Variants in TRMT11 observed in about 807,000 individuals in gnomAD.
TRMT11 encodes the protein tRNA (guanine(10)-N(2))-methyltransferase TRMT11.
In TRMT11, 53 loss-of-function variants were observed where a neutral mutation model predicts 62.8. The observed-to-expected ratio is 0.84, with a 90% confidence interval of 0.68 to 1.06. The LOEUF (loss-of-function observed/expected upper bound fraction) is 1.06. TRMT11 is among the 50% of genes least tolerant of loss of function. The pLI is 0.00. For synonymous variants in TRMT11, 188 were observed against 190.3 expected (o/e 0.99, Z 0.10); for missense variants, 556 against 553.4 (o/e 1.00, Z -0.05).
chr6:126,067,342 A>G (rs1421088405), intron 17 of TRMT11, among the ~76,000 whole-genome samples: 1 of 152,222 alleles, frequency 6.6e-6, no homozygotes, highest in Non-Finnish European at 1.5e-5. Context: ...CTACTTCAGA[A>G]TCACCTCTGT....
At chr6:126,157,669 A>G (rs1778136814) in intron 21 of TRMT11, among the ~76,000 whole-genome samples, 2 of 152,244 alleles carry the variant, frequency 1.3e-5, no homozygotes, top group African/African-American at 4.8e-5. Context: ...GTACATCAGC[A>G]TCATCTGTAA....
chr6:126,047,572 C>T (rs1204485027), intron 16 of TRMT11, among the ~76,000 whole-genome samples: 1 of 152,088 alleles, frequency 6.6e-6, no homozygotes, highest in African/African-American at 2.4e-5. Context: ...TGGACAAGGA[C>T]CCGGGTATCA....
At chr6:126,180,910 C>T (rs989612066) in intron 1 of TRMT11, among the ~76,000 whole-genome samples, 1 of 152,110 alleles carries the variant, frequency 6.6e-6, no homozygotes, top group Non-Finnish European at 1.5e-5. Flanking sequence ...AAGGGCATTC[C>T]CTGAGCAGTA....
chr6:125,997,945 T>C, intron 3 of TRMT11, 108 bp from the exon 4 acceptor site: 1 of 771,820 alleles, frequency 1.3e-6, no homozygotes. Flanking sequence ...TTGCAAAACA[T>C]AGGCAATAAT....
At chr6:125,991,017 C>A (rs1410282847) in intron 1 of TRMT11, among the ~76,000 whole-genome samples, 1 of 151,758 alleles carries the variant, frequency 6.6e-6, no homozygotes, top group Admixed American at 6.6e-5. Context: ...GAGGCTGAGG[C>A]GGGCGGATCA....
chr6:126,122,123 G>A lies in TRMT11; in HGVS notation c.*1823+6268G>A, dbSNP rs116006639. On this transcript the variant is annotated intron_variant and NMD_transcript_variant, in intron 21 of 22. Transcript: ENST00000648977. ...TTCCCCTGCACATGCTGTCTTGCCT[G>A]CCATGTAAGACTTTGCTCCCCATTC... 8.4e-3 allele frequency among the ~76,000 whole-genome samples: 1,272 copies of A among 152,168 alleles called. 15 individuals are homozygous for A. Among genetic ancestry groups the A allele is most frequent in the African/African-American group, 0.03 (1,229 of 41,540 alleles).
intron 21 of TRMT11, among the ~76,000 whole-genome samples, chr6:126,165,502 G>A (rs1003526627): frequency 3.3e-5 from 5 of 152,084 alleles, no homozygotes; most frequent in Non-Finnish European, 5.9e-5. Context: ...CTCAGCATTT[G>A]CTTGTCTTTA....
chr6:126,267,330 TGTAA>T, the TRMT11 span, among the ~76,000 whole-genome samples: 7 of 152,220 alleles, frequency 4.6e-5, no homozygotes, highest in South Asian at 4.1e-4. Context: ...TGCAGGACTC[TGTAA>T]GTATTAATTT....
At chr6:126,213,620 T>C in the TRMT11 span, among the ~76,000 whole-genome samples, 1 of 152,090 alleles carries the variant, frequency 6.6e-6, no homozygotes, top group Non-Finnish European at 1.5e-5. Flanking sequence ...AATTGAATTT[T>C]AAAAATCAAT....
At chr6:126,027,901 A>G (rs1227967149) in intron 12 of TRMT11, among the ~76,000 whole-genome samples, 4 of 152,182 alleles carry the variant, frequency 2.6e-5, no homozygotes, top group Admixed American at 2.6e-4. Flanking sequence ...AACAAAGGAG[A>G]TAATAGACAC....
At position 126,107,720 on chromosome 6, in the gene TRMT11, C is replaced by G. The variant is rs533967877; in HGVS notation, c.*1438-5146C>G. 3.3e-5 allele frequency among the ~76,000 whole-genome samples: 5 copies of G among 152,220 alleles called. No homozygotes were observed. The South Asian group carries it at 1.0e-3, about 32-fold the overall frequency. ...GGTATACATATTATTGCCCGTGGCT[C>G]GAAGCCCAATAACCTTTTCCTTATT... On this transcript the variant is annotated intron_variant and NMD_transcript_variant, in intron 17 of 22. Transcript: ENST00000648977.
chr6:126,019,482 G>A (rs1354692718), intron 11 of TRMT11, among the ~76,000 whole-genome samples: 1 of 152,070 alleles, frequency 6.6e-6, no homozygotes, highest in African/African-American at 2.4e-5. Context: ...ATCTAAACAT[G>A]AAGAGTTTAT....
chr6:126,073,529 G>A (rs531692999), intron 17 of TRMT11, among the ~76,000 whole-genome samples: 90 of 151,952 alleles, frequency 5.9e-4, no homozygotes, highest in Admixed American at 9.8e-4. Flanking sequence ...ATTCTCAAAC[G>A]GATATTTAAA....
the TRMT11 span, among the ~76,000 whole-genome samples, chr6:126,242,197 A>G: frequency 6.6e-6 from 1 of 152,136 alleles, no homozygotes; most frequent in Admixed American, 6.6e-5. Context: ...GCTTCAAAGA[A>G]AATAAAATAC....
chr6:126,096,591 A>C (rs1251946197), intron 17 of TRMT11, among the ~76,000 whole-genome samples: 2 of 151,846 alleles, frequency 1.3e-5, no homozygotes, highest in African/African-American at 4.8e-5. Context: ...TTTAGATAGC[A>C]TGCTCACCAT....
chr6:126,241,330 T>C, the TRMT11 span, among the ~76,000 whole-genome samples: 3 of 152,146 alleles, frequency 2.0e-5, no homozygotes, highest in South Asian at 2.1e-4. Context: ...TTCGGCCTTC[T>C]TGGAACCGCC....
rs527642263 is a variant in TRMT11 at position 126,139,664 on chromosome 6, C to T, written c.*1823+23809C>T. Among the ~76,000 whole-genome samples the T allele has an allele frequency of 2.0e-5, 3 of 152,228 alleles. No individual in the cohort carries two copies. The South Asian group carries it at 6.2e-4, about 32-fold the overall frequency. On this transcript the variant is annotated intron_variant and NMD_transcript_variant, in intron 21 of 22. Transcript: ENST00000648977. Reference sequence around the variant, plus strand: ...GATTACAGGTGTGAGCCATCATGCCCAGCCTATGTAACAAATATTTATGGC... The same window carrying T: ...GATTACAGGTGTGAGCCATCATGCCTAGCCTATGTAACAAATATTTATGGC...
chr6:126,097,904 T>C (rs918497130), intron 17 of TRMT11, among the ~76,000 whole-genome samples: 8 of 152,292 alleles, frequency 5.3e-5, no homozygotes, highest in South Asian at 2.1e-4. Context: ...AACATCTCCA[T>C]ACTCTTTTTG....
chr6:126,216,383 T>C, the TRMT11 span, among the ~76,000 whole-genome samples: 2 of 152,190 alleles, frequency 1.3e-5, no homozygotes, highest in African/African-American at 4.8e-5. Context: ...CTGCTTTTGC[T>C]GCGTCATAGG....
Sources: allele counts gnomAD v4.1 joint callset (sites outside exome capture counted in the v4.1 genomes callset), GRCh38; gene constraint gnomAD v4.1.1; transcripts MANE v1.5; gene names NCBI Gene and HGNC (gene_info 2026-07-23, HGNC 2026-07-21).